The following TAS2R1 variants were observed in gnomAD, a reference collection of about 807,000 sequenced individuals.
The protein encoded by TAS2R1 is taste 2 receptor member 1, also known as taste receptor type 2 member 1.
For synonymous variants in TAS2R1, 141 were observed against 134.2 expected (o/e 1.05, Z -0.35); for missense variants, 370 against 353.4 (o/e 1.05, Z -0.38).
chr5:9,734,631 T>C, the TAS2R1 span, among the ~76,000 whole-genome samples: 1 of 152,198 alleles, frequency 6.6e-6, no homozygotes, highest in Admixed American at 6.5e-5. Context: ...GTATTTACTA[T>C]GCTATGCTAT....
At chr5:9,789,784 T>C in the TAS2R1 span, among the ~76,000 whole-genome samples, 1 of 152,250 alleles carries the variant, frequency 6.6e-6, no homozygotes, top group Non-Finnish European at 1.5e-5. Context: ...CTTCTTTTCT[T>C]GGGTTTGGTA....
the TAS2R1 span, chr5:9,884,024 CAGA>C: frequency 4.6e-5 from 7 of 152,092 alleles, no homozygotes; most frequent in African/African-American, 7.2e-5. Context: ...AAGGAGAAAA[CAGA>C]AGGACAAGTA....
the TAS2R1 span, among the ~76,000 whole-genome samples, chr5:9,804,404 A>G: frequency 6.6e-6 from 1 of 152,174 alleles, no homozygotes; most frequent in Non-Finnish European, 1.5e-5. Flanking sequence ...CTTAACAGAT[A>G]TTTACAGAAC....
the TAS2R1 span, among the ~76,000 whole-genome samples, chr5:9,896,705 C>T: frequency 1.3e-5 from 2 of 152,186 alleles, no homozygotes; most frequent in African/African-American, 4.8e-5. Context: ...GCCTGTTTGG[C>T]AATGTTGTTT....
the TAS2R1 span, among the ~76,000 whole-genome samples, chr5:9,867,630 C>G: frequency 4.6e-5 from 7 of 152,222 alleles, no homozygotes; most frequent in African/African-American, 1.4e-4. Context: ...ACAGCCAAAC[C>G]ATATGATTCT....
At chr5:9,740,080 A>G in the TAS2R1 span, among the ~76,000 whole-genome samples, 1 of 152,166 alleles carries the variant, frequency 6.6e-6, no homozygotes, top group Non-Finnish European at 1.5e-5. Flanking sequence ...GTCCCCAGAG[A>G]TGTTTTCTGG....
the TAS2R1 span, among the ~76,000 whole-genome samples, chr5:9,758,615 T>C: frequency 1.3e-5 from 2 of 152,184 alleles, no homozygotes; most frequent in Non-Finnish European, 2.9e-5. Context: ...CAATCCTTGC[T>C]GCCTCCAAGG....
At chr5:9,752,695 C>T in the TAS2R1 span, among the ~76,000 whole-genome samples, 1 of 152,084 alleles carries the variant, frequency 6.6e-6, no homozygotes, top group East Asian at 1.9e-4. Context: ...GCTATCCCTC[C>T]CCTTCCCCCC....
At chr5:9,828,508 G>A in the TAS2R1 span, among the ~76,000 whole-genome samples, 1 of 152,122 alleles carries the variant, frequency 6.6e-6, no homozygotes, top group East Asian at 1.9e-4. Flanking sequence ...AAAGTACCAA[G>A]TATATGGTGT....
At chr5:9,687,502 A>T in intron 1 of TAS2R1, among the ~76,000 whole-genome samples, 1 of 152,016 alleles carries the variant, frequency 6.6e-6, no homozygotes, top group East Asian at 1.9e-4. Flanking sequence ...CCCTCTGACC[A>T]TTCGCCCCAC....
chr5:9,667,540 T>A (rs537486617), intron 1 of TAS2R1, among the ~76,000 whole-genome samples: 1 of 152,202 alleles, frequency 6.6e-6, no homozygotes, highest in East Asian at 1.9e-4. Flanking sequence ...ACTTGGACAG[T>A]AGATTTGGGT....
chr5:9,855,400 T>C, the TAS2R1 span, among the ~76,000 whole-genome samples: 2 of 152,230 alleles, frequency 1.3e-5, no homozygotes, highest in African/African-American at 2.4e-5. Flanking sequence ...TTTTTACTTA[T>C]AGGTCCTAGG....
the TAS2R1 span, among the ~76,000 whole-genome samples, chr5:9,770,960 C>T: frequency 6.6e-6 from 1 of 152,130 alleles, no homozygotes; most frequent in Admixed American, 6.5e-5. Context: ...AATGGGCATC[C>T]TTGTCATGTT....
chr5:9,799,435 T>G, the TAS2R1 span, among the ~76,000 whole-genome samples: 2 of 152,204 alleles, frequency 1.3e-5, no homozygotes, highest in Non-Finnish European at 2.9e-5. Context: ...AACTGAGGGA[T>G]CCTGAGGCAG....
the TAS2R1 span, among the ~76,000 whole-genome samples, chr5:9,795,209 C>T: frequency 6.6e-6 from 1 of 152,266 alleles, no homozygotes; most frequent in East Asian, 1.9e-4. Flanking sequence ...ACAAAGCAAC[C>T]AGAGGCAATT....
At chr5:9,900,788 T>C in the TAS2R1 span, among the ~76,000 whole-genome samples, 28,992 of 151,328 alleles carry the variant, frequency 0.19, 3,045 homozygotes, top group Non-Finnish European at 0.24. Flanking sequence ...GCCCGGCTAA[T>C]TTTTTTTTGT....
chr5:9,706,439 C>G (rs1741613642), intron 1 of TAS2R1, among the ~76,000 whole-genome samples: 1 of 152,230 alleles, frequency 6.6e-6, no homozygotes, highest in Non-Finnish European at 1.5e-5. Flanking sequence ...CCCAGACTCT[C>G]AGAGGCCACA....
At chr5:9,733,968 G>A in the TAS2R1 span, among the ~76,000 whole-genome samples, 2 of 151,978 alleles carry the variant, frequency 1.3e-5, no homozygotes, top group African/African-American at 4.8e-5. Context: ...TCATCCAAAT[G>A]TTGGTGTCCC....
intron 1 of TAS2R1, among the ~76,000 whole-genome samples, chr5:9,706,635 G>C (rs949050709): frequency 6.6e-6 from 1 of 152,228 alleles, no homozygotes; most frequent in Non-Finnish European, 1.5e-5. Context: ...GAGTTGTACA[G>C]ACATGAAAAC....
Sources: allele counts gnomAD v4.1 joint callset (sites outside exome capture counted in the v4.1 genomes callset), GRCh38; gene constraint gnomAD v4.1.1; transcripts MANE v1.5; gene names NCBI Gene and HGNC (gene_info 2026-07-23, HGNC 2026-07-21).